Variants in AKAP6 observed in about 807,000 individuals in gnomAD.
AKAP6 encodes A-kinase anchor protein 6.
Under a neutral mutation model 188.5 loss-of-function variants are expected in AKAP6, and 58 were observed. The observed-to-expected ratio is 0.31, with a 90% CI of 0.25 to 0.38. The LOEUF (loss-of-function observed/expected upper bound fraction) is 0.38. Ranked by LOEUF, AKAP6 falls within the 10% of genes least tolerant of loss-of-function variation. The probability of loss-of-function intolerance (pLI) is 1.00; values close to 1 mark genes in which losing one functional copy is unlikely to be tolerated. For synonymous variants in AKAP6, 989 were observed against 998.6 expected, an observed-to-expected ratio of 0.99 and a Z score of 0.18; for missense variants, 2,710 against 2,740.0, an observed-to-expected ratio of 0.99 and a Z score of 0.24.
chr14:32,394,700 G>A (rs1888819078), intron 1 of AKAP6, among the ~76,000 whole-genome samples: 1 of 152,114 alleles, frequency 6.6e-6, no homozygotes, highest in Non-Finnish European at 1.5e-5. Flanking sequence ...GCATGTGTCT[G>A]TTTTTACTGG....
At chr14:32,751,817 C>T (rs2032151046) in intron 11 of AKAP6, among the ~76,000 whole-genome samples, 2 of 152,136 alleles carry the variant, frequency 1.3e-5, no homozygotes, top group African/African-American at 4.8e-5. Flanking sequence ...AAGTTCTTTT[C>T]ATTTTTATAC....
At chr14:32,424,798 C>T (rs541300239) in intron 1 of AKAP6, among the ~76,000 whole-genome samples, 1 of 152,252 alleles carries the variant, frequency 6.6e-6, no homozygotes, top group East Asian at 1.9e-4. Context: ...ATAATGACCT[C>T]CAGCTCCATC....
chr14:32,452,926 G>C (rs955706700), intron 2 of AKAP6, among the ~76,000 whole-genome samples: 1 of 152,190 alleles, frequency 6.6e-6, no homozygotes, highest in East Asian at 1.9e-4. Context: ...AAATGAAAGT[G>C]CTACTGTCAC....
intron 9 of AKAP6, among the ~76,000 whole-genome samples, chr14:32,701,584 AATAGGAAAT>A (rs1328613051): frequency 2.6e-5 from 4 of 152,164 alleles, no homozygotes; most frequent in Admixed American, 2.6e-4. Context: ...AATTCTGAGG[AATAGGAAAT>A]ATAGAGTACA....
intron 7 of AKAP6, among the ~76,000 whole-genome samples, chr14:32,651,623 C>T (rs1368381053): frequency 6.6e-6 from 1 of 152,084 alleles, no homozygotes; most frequent in Non-Finnish European, 1.5e-5. Context: ...TCTGTGTCCT[C>T]ACATGGCAGA....
chr14:32,789,950 A>G (rs1189211266), intron 12 of AKAP6, among the ~76,000 whole-genome samples: 2 of 152,178 alleles, frequency 1.3e-5, no homozygotes, highest in Non-Finnish European at 2.9e-5. Flanking sequence ...GTTGTAACCC[A>G]ATGCAAAGAA....
Position 32,443,408 on chromosome 14 carries a change from A to AAAC in AKAP6, c.324+9593_324+9594insCAA, listed in dbSNP as rs1239339873. Reference sequence around the variant, plus strand: ...ACTCCATCTCAAAACAAAACAAAACAAAAAAAAAACAAAAAAACAAAAAAA... The same window carrying AAAC: ...ACTCCATCTCAAAACAAAACAAAACAAACAAAAAAAAACAAAAAAACAAAAAAA... On this transcript the variant is annotated intron_variant, in intron 2 of 13. Transcript: ENST00000280979. 7.3e-3 allele frequency among the ~76,000 whole-genome samples: 986 copies of AAAC among 135,166 alleles called. 11 individuals carry two copies. The highest frequency in any genetic ancestry group is 0.027 in the African/African-American group (918 of 33,976). 88.7% of individuals were successfully genotyped at this position (135,166 alleles called of 152,430 possible). A position where few individuals can be genotyped will look rare whatever the true frequency, so the allele number is the denominator to read the frequency against.
intron 9 of AKAP6, among the ~76,000 whole-genome samples, chr14:32,725,042 A>T (rs2030797908): frequency 6.9e-6 from 1 of 145,918 alleles, no homozygotes; most frequent in Admixed American, 7.0e-5. Flanking sequence ...AGACAGGCTG[A>T]CAACAATATT....
At chr14:32,339,730 G>A (rs1278171177) in intron 1 of AKAP6, among the ~76,000 whole-genome samples, 3 of 152,118 alleles carry the variant, frequency 2.0e-5, no homozygotes, top group African/African-American at 4.8e-5. Flanking sequence ...CTTCTCTGTT[G>A]CTATTAAAAA....
At chr14:32,788,554 G>T (rs560703309) in intron 12 of AKAP6, among the ~76,000 whole-genome samples, 16 of 152,298 alleles carry the variant, frequency 1.1e-4, no homozygotes, top group South Asian at 8.3e-4. Context: ...CCTGGGAGTG[G>T]CACGGAGCGA....
chr14:32,697,612 C>G (rs1025153487), intron 9 of AKAP6, among the ~76,000 whole-genome samples: 1 of 152,054 alleles, frequency 6.6e-6, no homozygotes, highest in African/African-American at 2.4e-5. Flanking sequence ...AAAAGGTTAC[C>G]TAACCATAAG....
In AKAP6 at chr14:32,732,595, C is replaced by T; in HGVS notation, c.3142C>T (p.Leu1048Phe). 6.2e-7 allele frequency: 1 copy of T among 1,613,376 alleles called. No individual in the cohort carries two copies. The highest frequency in any genetic ancestry group is 1.1e-5 in the South Asian group (1 of 91,066). ...VDSINEKWEL[L>F]GKTLGEKIQD... is the part of the protein sequence containing the mutation. ...TTCAATTAATGAAAAATGGGAACTGCTTGGGGTATTTGCATTTTTATTACT... is the reference window on the plus strand; with the variant it reads ...TTCAATTAATGAAAAATGGGAACTGTTTGGGGTATTTGCATTTTTATTACT... The change falls in exon 10 of 14, where the codon CTT (leucine) becomes TTT (phenylalanine). Residue 1048 changes from leucine (L) to phenylalanine (F), a missense_variant. Physicochemically the swap from Leu to Phe is conservative, Grantham distance 22. This residue lies in a region of AKAP6 where 2,473 missense variants were observed against 2,426.1 expected (regional missense o/e 1.02). Coordinates refer to ENST00000280979, the MANE Select transcript of AKAP6 (RefSeq NM_004274.5).
chr14:32,478,520 A>C (rs1265055259), intron 2 of AKAP6, among the ~76,000 whole-genome samples: 1 of 152,200 alleles, frequency 6.6e-6, no homozygotes, highest in Non-Finnish European at 1.5e-5. Context: ...AATGTGGTAA[A>C]AGACACATCA....
chr14:32,604,072 G>A (rs148761733), intron 7 of AKAP6, among the ~76,000 whole-genome samples: 1 of 152,234 alleles, frequency 6.6e-6, no homozygotes, highest in African/African-American at 2.4e-5. Flanking sequence ...TACTTCTTAA[G>A]AGAAAACCAA....
intron 9 of AKAP6, among the ~76,000 whole-genome samples, chr14:32,726,826 G>C (rs904051532): frequency 5.9e-5 from 9 of 152,198 alleles, no homozygotes; most frequent in Non-Finnish European, 8.8e-5. Context: ...GAGCTGCGGG[G>C]CTGTCAGAGG....
At chr14:32,399,740 G>C (rs182422231) in intron 1 of AKAP6, among the ~76,000 whole-genome samples, 1 of 152,178 alleles carries the variant, frequency 6.6e-6, no homozygotes, top group East Asian at 1.9e-4. Flanking sequence ...TTTTAAATCT[G>C]CTTGGTTCTT....
At position 32,823,896 on chromosome 14, in the gene AKAP6, A is replaced by T. The variant is rs187548482; in HGVS notation, c.6083A>T (p.Glu2028Val). 156 of 1,613,912 alleles carry T rather than the reference A, an allele frequency of 9.7e-5. No individual in the cohort carries two copies. The East Asian group carries it at 3.4e-3, about 35-fold the overall frequency. ...CCLALEQNGT[E>V]ENASISNISC... The stretch of plus-strand genomic sequence containing the variant: ...CTAGCACTTGAACAAAACGGAACAG[A>T]GGAAAATGCTTCTATCAGCAACATT... Residue 2028 changes from glutamate to valine, a missense_variant, in exon 13 of 14, where the codon GAG becomes GTG. Physicochemically the swap from Glu to Val is moderately radical, Grantham distance 121. Transcript: ENST00000280979.
At chr14:32,523,144 A>C (rs1421873028) in intron 2 of AKAP6, among the ~76,000 whole-genome samples, 1 of 111,412 alleles carries the variant, frequency 9.0e-6, no homozygotes, top group African/African-American at 3.4e-5. Context: ...ACTTGGACAC[A>C]GGGTGGGGAA....
At chr14:32,764,348 A>C (rs2032637636) in intron 11 of AKAP6, among the ~76,000 whole-genome samples, 1 of 152,192 alleles carries the variant, frequency 6.6e-6, no homozygotes, top group Non-Finnish European at 1.5e-5. Flanking sequence ...TAGATTACTA[A>C]CTGTTACATA....
Sources: allele counts gnomAD v4.1 joint callset (sites outside exome capture counted in the v4.1 genomes callset), GRCh38; gene constraint gnomAD v4.1.1; regional missense constraint gnomAD v4.1.1; transcripts MANE v1.5; gene names NCBI Gene and HGNC (gene_info 2026-07-23, HGNC 2026-07-21).